The following SGCZ variants were observed in gnomAD, a reference collection of about 807,000 sequenced individuals.
The protein encoded by SGCZ is zeta-sarcoglycan.
Under a neutral mutation model 41.3 loss-of-function variants are expected in SGCZ, and 40 were observed. That is an observed-to-expected ratio of 0.97 (90% CI 0.75 to 1.26). The LOEUF is 1.26. Among genes scored for constraint, SGCZ ranks in the 50% most tolerant of loss-of-function variants. The pLI is 0.00. For synonymous variants in SGCZ, 206 were observed against 137.5 expected (o/e 1.50, Z -3.49); for missense variants, 552 against 369.8 (o/e 1.49, Z -4.04).
intron 2 of SGCZ, among the ~76,000 whole-genome samples, chr8:14,408,127 G>A (rs1462051852): frequency 2.0e-5 from 3 of 152,028 alleles, no homozygotes; most frequent in African/African-American, 7.3e-5. Flanking sequence ...CATGTGTAGG[G>A]CAGAGTAGTA....
At chr8:14,119,056 G>A (rs935534738) in intron 5 of SGCZ, among the ~76,000 whole-genome samples, 1 of 151,964 alleles carries the variant, frequency 6.6e-6, no homozygotes, top group Non-Finnish European at 1.5e-5. Flanking sequence ...CTCTTTTTTG[G>A]TTCCATATGA....
intron 1 of SGCZ, among the ~76,000 whole-genome samples, chr8:14,586,604 C>A (rs888484065): frequency 1.3e-5 from 2 of 152,082 alleles, no homozygotes; most frequent in African/African-American, 4.8e-5. Flanking sequence ...AAATAATAGT[C>A]ATCATAAATG....
At chr8:14,704,272 C>G (rs1349966354) in intron 1 of SGCZ, among the ~76,000 whole-genome samples, 1 of 152,084 alleles carries the variant, frequency 6.6e-6, no homozygotes. Context: ...AAAATGCTCT[C>G]TTTAATTCAG....
At chr8:14,269,191 A>G (rs1799976708) in intron 3 of SGCZ, among the ~76,000 whole-genome samples, 1 of 152,148 alleles carries the variant, frequency 6.6e-6, no homozygotes, top group African/African-American at 2.4e-5. Flanking sequence ...TCATAGCATT[A>G]TATTGTAAGC....
At chr8:14,267,620 C>T (rs1799919447) in intron 3 of SGCZ, among the ~76,000 whole-genome samples, 1 of 152,006 alleles carries the variant, frequency 6.6e-6, no homozygotes, top group Non-Finnish European at 1.5e-5. Flanking sequence ...TTTGTTGTCA[C>T]TGTTTTACTC....
intron 1 of SGCZ, among the ~76,000 whole-genome samples, chr8:14,605,345 G>A (rs529527218): frequency 1.9e-4 from 29 of 152,018 alleles, no homozygotes; most frequent in Non-Finnish European, 3.5e-4. Flanking sequence ...ACAAAGTGTA[G>A]CAATCATATT....
intron 2 of SGCZ, among the ~76,000 whole-genome samples, chr8:14,549,762 G>C (rs933236696): frequency 1.3e-5 from 2 of 151,856 alleles, no homozygotes; most frequent in African/African-American, 4.8e-5. Flanking sequence ...TATGAATACA[G>C]ACAAATAAAA....
intron 1 of SGCZ, among the ~76,000 whole-genome samples, chr8:14,763,565 A>C (rs531635514): frequency 6.6e-6 from 1 of 152,276 alleles, no homozygotes; most frequent in African/African-American, 2.4e-5. Context: ...ATTATTCAAA[A>C]AATTTTGAAA....
At chr8:14,131,266 C>G (rs899228742) in intron 5 of SGCZ, among the ~76,000 whole-genome samples, 2 of 152,110 alleles carry the variant, frequency 1.3e-5, no homozygotes, top group Admixed American at 1.3e-4. Context: ...GAGCAAAGAA[C>G]GCAGCCTTTG....
chr8:14,870,431 T>G (rs141699390), intron 1 of SGCZ, among the ~76,000 whole-genome samples: 1 of 152,180 alleles, frequency 6.6e-6, no homozygotes, highest in Non-Finnish European at 1.5e-5. Context: ...ATATAAAAAT[T>G]AACTCAAGTA....
At chr8:14,147,526 A>G (rs190091933) in intron 5 of SGCZ, among the ~76,000 whole-genome samples, 2 of 152,334 alleles carry the variant, frequency 1.3e-5, no homozygotes, top group East Asian at 1.9e-4. Context: ...ACAATTTTAA[A>G]TAGATCTGCA....
intron 2 of SGCZ, among the ~76,000 whole-genome samples, chr8:14,484,968 A>G (rs1801633997): frequency 6.6e-6 from 1 of 152,206 alleles, no homozygotes; most frequent in South Asian, 2.1e-4. Context: ...ATTGAGTCTT[A>G]CCCTGAAATA....
At chr8:14,533,367 T>A (rs1459773467) in intron 2 of SGCZ, among the ~76,000 whole-genome samples, 1 of 152,106 alleles carries the variant, frequency 6.6e-6, no homozygotes, top group African/African-American at 2.4e-5. Context: ...CAAATTAAAA[T>A]ATTTAAAGGC....
At chr8:15,129,639 T>A (rs1299908132) in intron 1 of SGCZ, among the ~76,000 whole-genome samples, 2 of 143,108 alleles carry the variant, frequency 1.4e-5, no homozygotes, top group Non-Finnish European at 3.0e-5. Context: ...ACAGCATCAT[T>A]GAAATAGAGG....
Position 14,569,840 on chromosome 8 carries a change from C to G in SGCZ, c.40-14914G>C, listed in dbSNP as rs1421528434. Among the ~76,000 whole-genome samples, 3 of 151,912 alleles carry G rather than the reference C, an allele frequency of 2.0e-5. No homozygotes were observed. The East Asian group carries it at 5.8e-4, about 29-fold the overall frequency. On this transcript the variant is annotated intron_variant, in intron 1 of 7. Transcript: ENST00000382080. Reference sequence around the variant, plus strand: ...TTTCAGGTGGGTGGGGGCTGAAATACTTGTTCAGGGTGGAGTGGGGAGGCA... The same window carrying G: ...TTTCAGGTGGGTGGGGGCTGAAATAGTTGTTCAGGGTGGAGTGGGGAGGCA...
chr8:14,630,647 A>C (rs1806617407), intron 1 of SGCZ, among the ~76,000 whole-genome samples: 1 of 152,034 alleles, frequency 6.6e-6, no homozygotes, highest in Non-Finnish European at 1.5e-5. Flanking sequence ...GATAGACTGG[A>C]TTAAGAAAAT....
At chr8:14,631,279 G>T (rs61400824) in intron 1 of SGCZ, among the ~76,000 whole-genome samples, 1 of 84,216 alleles carries the variant, frequency 1.2e-5, no homozygotes, top group East Asian at 5.2e-4. Context: ...AGAACACATA[G>T]GAATTCTTTT....
intron 1 of SGCZ, among the ~76,000 whole-genome samples, chr8:15,114,095 T>A (rs542625725): frequency 1.1e-4 from 16 of 152,352 alleles, no homozygotes; most frequent in African/African-American, 3.8e-4. Flanking sequence ...GACATTTAAT[T>A]TGCTTAATTC....
At chr8:14,674,886 T>C (rs1336340498) in intron 1 of SGCZ, among the ~76,000 whole-genome samples, 1 of 150,412 alleles carries the variant, frequency 6.6e-6, no homozygotes, top group Non-Finnish European at 1.5e-5. Context: ...GATGCCATCA[T>C]GCTTCCTGTA....
Sources: allele counts gnomAD v4.1 joint callset (sites outside exome capture counted in the v4.1 genomes callset), GRCh38; gene constraint gnomAD v4.1.1; transcripts MANE v1.5; gene names NCBI Gene and HGNC (gene_info 2026-07-23, HGNC 2026-07-21).